CIAO1: variants seen among roughly 807,000 people sequenced by gnomAD.
The protein encoded by CIAO1 is probable cytosolic iron-sulfur protein assembly protein CIAO1.
A neutral mutation model predicts 43.1 loss-of-function variants in CIAO1; 32 were observed. That is an observed-to-expected ratio of 0.74 (90% confidence interval 0.56 to 1.00). The LOEUF is 1.00. Among genes scored for constraint, CIAO1 ranks in the 50% least tolerant of loss-of-function variants. The pLI, the probability that CIAO1 is intolerant of heterozygous loss-of-function variation, is 0.00. For missense variants in CIAO1, 415 were observed against 437.4 expected, an observed-to-expected ratio of 0.95 and a Z score of 0.46; for synonymous variants, 183 against 171.4, an observed-to-expected ratio of 1.07 and a Z score of -0.53.
At chr2:96,269,465 G>GC in intron 6 of CIAO1, 110 bp downstream of exon 6, 2 of 993,008 alleles carry the variant, frequency 2.0e-6, no homozygotes, top group East Asian at 4.8e-5. Flanking sequence ...GGAATTGAGG[G>GC]CAGCCACCCC....
In CIAO1 at chr2:96,269,373, C is replaced by G. The variant is rs759492984; in HGVS notation, c.779+18C>G. On this transcript the variant is annotated intron_variant, in intron 6 of 6. Transcript: ENST00000488633. ...ATTGCTTGGTAAGACTCCATCCCCCCACCCCATCCCATCCCCATAAATCAG... is the reference window on the plus strand; with the variant it reads ...ATTGCTTGGTAAGACTCCATCCCCCGACCCCATCCCATCCCCATAAATCAG... The G allele has an allele frequency of 1.1e-5, 18 of 1,597,860 alleles. No homozygotes were observed. The highest frequency in any genetic ancestry group is 1.7e-4 in the Middle Eastern group (1 of 6,050).
chr2:96,267,331 G>A lies in CIAO1; in HGVS notation c.150G>A (p.Trp50Ter), dbSNP rs1350699132. ...IRIWGTEGDS[W>*]ICKSVLSEGH... Reference sequence around the variant, plus strand: ...GCGCTCCGCCTTTAGGTGACAGCTGGATCTGCAAGTCTGTCCTTTCTGAAG... The same window carrying A: ...GCGCTCCGCCTTTAGGTGACAGCTGAATCTGCAAGTCTGTCCTTTCTGAAG... Residue 50 changes from tryptophan (W) to a stop codon, truncating the protein, a stop_gained, in exon 2 of 7, where the codon TGG (tryptophan) becomes TGA (stop). Transcript: ENST00000488633. LOFTEE classifies it high-confidence loss of function. 6.2e-7 allele frequency: 1 copy of A among 1,612,804 alleles called. No individual in the cohort carries two copies. The highest frequency in any genetic ancestry group is 8.5e-7 in the Non-Finnish European group (1 of 1,179,024).
intron 1 of CIAO1, 120 bp from the exon 2 acceptor site, chr2:96,267,201 C>G (rs1194070064): frequency 1.5e-5 from 8 of 551,492 alleles, no homozygotes; most frequent in Non-Finnish European, 2.2e-5. Flanking sequence ...TTTGTAAAAG[C>G]TGTGAAATAC....
chr2:96,267,231 A>C (rs1684451128), intron 1 of CIAO1, 90 bp from the exon 2 acceptor site: 1 of 1,315,720 alleles, frequency 7.6e-7, no homozygotes, highest in Non-Finnish European at 1.0e-6. Flanking sequence ...GCTTTCCCCC[A>C]CTAGCTTGAT....
rs145485666 is a variant in CIAO1 at position 96,272,724 on chromosome 2, C to T, written c.*1373C>T. The T allele has an allele frequency of 0.01, 1,573 of 152,216 alleles. 13 individuals are homozygous for T. Among genetic ancestry groups the T allele is most frequent in the Middle Eastern group, 0.024 (7 of 294 alleles). The allele number at this position is 152,216 out of a possible 1,614,324, so 9.4% of individuals were successfully genotyped here. A position where few individuals can be genotyped will look rare whatever the true frequency, so the allele number is the denominator to read the frequency against. The stretch of plus-strand genomic sequence containing the variant: ...ACTCGGGAGGCTGAGGCAAGAGAAT[C>T]GCTTGAATCCGGTAGGTGGAGGTTG... On this transcript the variant is annotated 3_prime_UTR_variant, in exon 7 of 7. Transcript: ENST00000488633.
intron 6 of CIAO1, 124 bp from the exon 7 acceptor site, chr2:96,270,987 A>G: frequency 1.6e-6 from 2 of 1,213,146 alleles, no homozygotes; most frequent in Non-Finnish European, 2.3e-6. Flanking sequence ...AGTTAAGGAA[A>G]CATTTTAATA....
Position 96,271,161 on chromosome 2 carries a change from G to C in CIAO1, c.830G>C (p.Arg277Pro). 1 of 1,614,216 alleles carries C rather than the reference G, an allele frequency of 6.2e-7. No individual in the cohort carries two copies. Among genetic ancestry groups the C allele is most frequent in the Non-Finnish European group, 8.5e-7 (1 of 1,180,032 alleles). The part of the protein sequence containing the change: ...LATACGDDAI[R>P]VFQEDPNSDP... ...ACAGCTTGTGGGGATGACGCGATCC[G>C]CGTGTTTCAGGAGGATCCCAACTCG... is the stretch of plus-strand genomic sequence containing the variant. Residue 277 changes from arginine to proline, a missense_variant, in exon 7 of 7, where the codon CGC (arginine) becomes CCC (proline). Coordinates refer to ENST00000488633, the MANE Select transcript of CIAO1 (RefSeq NM_004804.3).
intron 5 of CIAO1, 74 bp downstream of exon 5, chr2:96,268,732 G>T: frequency 2.0e-6 from 3 of 1,475,230 alleles, no homozygotes; most frequent in Non-Finnish European, 2.8e-6. Flanking sequence ...ACGTACATGA[G>T]TCAGAGCAAA....
chr2:96,271,090 C>T (rs1219647801), intron 6 of CIAO1, 21 bp from the exon 7 acceptor site: 2 of 1,614,034 alleles, frequency 1.2e-6, no homozygotes, highest in Non-Finnish European at 1.7e-6. Context: ...GGTATACCCA[C>T]TGATGTCACT....
In CIAO1 at chr2:96,267,434, A is replaced by G; in HGVS notation, c.253A>G (p.Thr85Ala). Reference sequence around the variant, plus strand: ...GGCCTCTGCCAGCTTTGATGCTACCACTTGCATTTGGAAGAAGAACCAGGA... The same window carrying G: ...GGCCTCTGCCAGCTTTGATGCTACCGCTTGCATTTGGAAGAAGAACCAGGA... ...YLASASFDAT[T>A]CIWKKNQDDF... The change falls in exon 2 of 7, where the codon ACT becomes GCT. Residue 85 changes from threonine to alanine, a missense_variant. Physicochemically the swap from Thr to Ala is moderately conservative, Grantham distance 58. Transcript: ENST00000488633. 1 of 1,614,160 alleles carries G rather than the reference A, an allele frequency of 6.2e-7. No individual in the cohort carries two copies.
At position 96,272,607 on chromosome 2, in the gene CIAO1, T is replaced by A. The variant is rs1368340884; in HGVS notation, c.*1256T>A. 1.3e-5 allele frequency: 2 copies of A among 152,222 alleles called. No homozygotes were observed. The highest frequency in any genetic ancestry group is 1.5e-5 in the Non-Finnish European group (1 of 68,098). 9.4% of individuals were successfully genotyped at this position (152,222 alleles called of 1,614,324 possible). On this transcript the variant is annotated 3_prime_UTR_variant, in exon 7 of 7. Transcript: ENST00000488633. Reference sequence around the variant, plus strand: ...GGGCGGATCACCTGAGGTCGGGAGTTCGAGGCCAGCCTGACCAACATGGAG... The same window carrying A: ...GGGCGGATCACCTGAGGTCGGGAGTACGAGGCCAGCCTGACCAACATGGAG...
intron 1 of CIAO1, 70 bp downstream of exon 1, chr2:96,266,559 C>T: frequency 7.6e-7 from 1 of 1,311,904 alleles, no homozygotes; most frequent in Middle Eastern, 2.1e-4. Context: ...AGGCGCTCAG[C>T]CTGCAGGGGA....
At chr2:96,269,550 G>C (rs1684505060) in intron 6 of CIAO1, among the ~76,000 whole-genome samples, 195 bp downstream of exon 6, 3 of 152,238 alleles carry the variant, frequency 2.0e-5, no homozygotes, top group African/African-American at 7.2e-5. Context: ...GCAGAGAACA[G>C]TCCCAGGCTG....
At position 96,267,862 on chromosome 2, in the gene CIAO1, G is replaced by T. The variant is rs756574386; in HGVS notation, c.427G>T (p.Val143Phe). Residue 143 changes from valine (V) to phenylalanine (F), a missense_variant, in exon 4 of 7, where the codon GTC becomes TTC. Coordinates refer to ENST00000488633, the MANE Select transcript of CIAO1 (RefSeq NM_004804.3). Reference protein sequence around the residue: ...EVDEEDEYECVSVLNSHTQDV... With the variant: ...EVDEEDEYECFSVLNSHTQDV... The stretch of plus-strand genomic sequence containing the variant: ...TGATGAAGAGGATGAGTATGAATGT[G>T]TCAGTGTTCTCAACTCCCACACACA... The T allele has an allele frequency of 1.7e-5, 27 of 1,614,050 alleles. No homozygotes were observed. The highest frequency in any genetic ancestry group is 2.2e-5 in the Non-Finnish European group (26 of 1,180,038).
rs907925666 is a variant in CIAO1 at position 96,273,923 on chromosome 2, C to T, written c.*2572C>T. Among the ~76,000 whole-genome samples the T allele has an allele frequency of 4.6e-5, 7 of 151,034 alleles. No individual in the cohort carries two copies. The highest frequency in any genetic ancestry group is 2.1e-4 in the South Asian group (1 of 4,786). On this transcript the variant is annotated 3_prime_UTR_variant, in exon 7 of 7. Coordinates refer to ENST00000488633, the MANE Select transcript of CIAO1 (RefSeq NM_004804.3). ...AGTTATTCTTCATAAAAAATGTTAACGTGGGCTGGGCATGGTGGCTCATGC... is the reference window on the plus strand; with the variant it reads ...AGTTATTCTTCATAAAAAATGTTAATGTGGGCTGGGCATGGTGGCTCATGC...
Position 96,267,230 on chromosome 2 carries a change from C to G in CIAO1, c.140-91C>G, listed in dbSNP as rs564125574. On this transcript the variant is annotated intron_variant, in intron 1 of 6. Coordinates refer to ENST00000488633, the MANE Select transcript of CIAO1 (RefSeq NM_004804.3). Reference sequence around the variant, plus strand: ...GAAATACACTCCCTGAGCTTTCCCCCACTAGCTTGATTCCAGTGCTAGCCC... The same window carrying G: ...GAAATACACTCCCTGAGCTTTCCCCGACTAGCTTGATTCCAGTGCTAGCCC... 228 of 1,365,124 alleles carry G rather than the reference C, an allele frequency of 1.7e-4. No homozygotes were observed. In the African/African-American group the frequency reaches 2.2e-3, roughly 13 times the overall value. 84.6% of individuals were successfully genotyped at this position (1,365,124 alleles called of 1,614,324 possible).
At position 96,273,956 on chromosome 2, in the gene CIAO1, C is replaced by T. The variant is rs1684605841; in HGVS notation, c.*2605C>T. Among the ~76,000 whole-genome samples, 1 of 151,758 alleles carries T rather than the reference C, an allele frequency of 6.6e-6. No homozygotes were observed. The highest frequency in any genetic ancestry group is 2.4e-5 in the African/African-American group (1 of 41,248). ...GGGCATGGTGGCTCATGCCTGTAAT[C>T]CCAGCACTCTGGGAGGCTGAGGTGG... is the stretch of plus-strand genomic sequence containing the variant. On this transcript the variant is annotated 3_prime_UTR_variant, in exon 7 of 7. Coordinates refer to ENST00000488633, the MANE Select transcript of CIAO1 (RefSeq NM_004804.3).
rs1372732598 is a variant in CIAO1 at position 96,268,012 on chromosome 2, C to T, written c.489+88C>T. Reference sequence around the variant, plus strand: ...CCTCTGCTTTTCAGCCTTAATCTAGCTTTTACGGAGAGTTCCATCTGTGAA... The same window carrying T: ...CCTCTGCTTTTCAGCCTTAATCTAGTTTTTACGGAGAGTTCCATCTGTGAA... On this transcript the variant is annotated intron_variant, in intron 4 of 6. Transcript: ENST00000488633. 3 of 1,086,406 alleles carry T rather than the reference C, an allele frequency of 2.8e-6. No homozygotes were observed. In the East Asian group the frequency reaches 7.1e-5, roughly 26 times the overall value. The allele number at this position is 1,086,406 out of a possible 1,614,324, so 67.3% of individuals were successfully genotyped here.
At chr2:96,266,656 G>A (rs1684436679) in intron 1 of CIAO1, among the ~76,000 whole-genome samples, 167 bp downstream of exon 1, 1 of 152,218 alleles carries the variant, frequency 6.6e-6, no homozygotes, top group African/African-American at 2.4e-5. Context: ...CGACTGTTGG[G>A]AGGAAAAACG....
Sources: gnomAD v4.1 joint callset for allele counts (sites outside exome capture counted in the v4.1 genomes callset) on GRCh38, gnomAD v4.1.1 for gene constraint, MANE v1.5 for transcripts, NCBI Gene and HGNC (gene_info 2026-07-23, HGNC 2026-07-21) for gene names.